The following LRRC4C variants were observed in gnomAD, a reference collection of about 807,000 sequenced individuals.
The protein encoded by LRRC4C is leucine-rich repeat-containing protein 4C.
LRRC4C carries 5 observed loss-of-function variants against 33.6 expected under a neutral mutation model. The observed-to-expected ratio is 0.15, with a 90% confidence interval of 0.08 to 0.31. The LOEUF (loss-of-function observed/expected upper bound fraction) is 0.31. Among genes scored for constraint, LRRC4C ranks in the 10% least tolerant of loss-of-function variants. The pLI is 1.00. For synonymous variants in LRRC4C, 329 were observed against 302.0 expected, an observed-to-expected ratio of 1.09 and a Z score of -0.93; for missense variants, 560 against 796.7, an observed-to-expected ratio of 0.70 and a Z score of 3.58.
chr11:40,973,997 C>T (rs912838942), intron 1 of LRRC4C, among the ~76,000 whole-genome samples: 1 of 152,004 alleles, frequency 6.6e-6, no homozygotes, highest in Non-Finnish European at 1.5e-5. Flanking sequence ...GCAAACCAGC[C>T]ACTGTGACAA....
chr11:41,168,163 T>C (rs879698330), intron 1 of LRRC4C, among the ~76,000 whole-genome samples: 1 of 152,178 alleles, frequency 6.6e-6, no homozygotes, highest in Non-Finnish European at 1.5e-5. Flanking sequence ...CTGGTACTGA[T>C]CATGAAAGGC....
chr11:41,141,605 C>T (rs756970792), intron 1 of LRRC4C, among the ~76,000 whole-genome samples: 3 of 152,024 alleles, frequency 2.0e-5, no homozygotes, highest in Admixed American at 1.3e-4. Context: ...TTCTTCCATG[C>T]TCTTCTTATG....
At chr11:40,699,197 T>TA (rs1448412948) in intron 2 of LRRC4C, among the ~76,000 whole-genome samples, 1 of 152,212 alleles carries the variant, frequency 6.6e-6, no homozygotes, top group African/African-American at 2.4e-5. Flanking sequence ...AATCTTACAT[T>TA]AAAAATTATA....
At chr11:41,386,823 G>A (rs1953379352) in intron 1 of LRRC4C, among the ~76,000 whole-genome samples, 1 of 151,698 alleles carries the variant, frequency 6.6e-6, no homozygotes, top group African/African-American at 2.4e-5. Flanking sequence ...AAGTTTGTAT[G>A]GAAGCAGTAG....
chr11:40,499,737 A>G (rs756769201), intron 3 of LRRC4C, among the ~76,000 whole-genome samples: 1 of 152,202 alleles, frequency 6.6e-6, no homozygotes, highest in Non-Finnish European at 1.5e-5. Flanking sequence ...ACACCAAAGG[A>G]TTGATTTGAA....
intron 2 of LRRC4C, among the ~76,000 whole-genome samples, chr11:40,839,746 G>A (rs1952831591): frequency 6.6e-6 from 1 of 152,178 alleles, no homozygotes; most frequent in Non-Finnish European, 1.5e-5. Flanking sequence ...AAACGCTAAG[G>A]CAGTGACTTA....
chr11:40,201,835 A>G (rs138464899), intron 5 of LRRC4C, among the ~76,000 whole-genome samples: 2 of 152,318 alleles, frequency 1.3e-5, no homozygotes, highest in East Asian at 3.9e-4. Context: ...AACGTGGGGT[A>G]GAAAATGAAG....
At chr11:41,373,786 C>T (rs901026035) in intron 1 of LRRC4C, among the ~76,000 whole-genome samples, 3 of 151,938 alleles carry the variant, frequency 2.0e-5, no homozygotes, top group African/African-American at 4.8e-5. Context: ...ATAAAGATCA[C>T]GAATTAGGAT....
At chr11:40,554,182 C>T (rs1295072523) in intron 3 of LRRC4C, among the ~76,000 whole-genome samples, 1 of 152,104 alleles carries the variant, frequency 6.6e-6, no homozygotes, top group Non-Finnish European at 1.5e-5. Flanking sequence ...CCCAGCACCA[C>T]CTCTTGAATA....
intron 1 of LRRC4C, among the ~76,000 whole-genome samples, chr11:41,102,705 C>T (rs1941264786): frequency 6.6e-6 from 1 of 151,988 alleles, no homozygotes; most frequent in South Asian, 2.1e-4. Flanking sequence ...AGATTGCATA[C>T]ATTTCTGACC....
rs1415551462 is a variant in LRRC4C, at chr11:40,763,095, A to ATATATATATATACACACACATATATATG, written c.-406-114818_-406-114817insCATATATATGTGTGTGTATATATATATA. Among the ~76,000 whole-genome samples the ATATATATATATACACACACATATATATG allele has an allele frequency of 1.4e-4, 16 of 112,772 alleles. No individual in the cohort carries two copies. The East Asian group carries it at 1.7e-3, about 12-fold the overall frequency. The allele number at this position is 112,772 out of a possible 152,430, so 74.0% of individuals were successfully genotyped here. On this transcript the variant is annotated intron_variant, in intron 2 of 6. Coordinates refer to ENST00000528697, the MANE Select transcript of LRRC4C (RefSeq NM_001258419.2). ...TATGTATACACACACATATATATGT[A>ATATATATATATACACACACATATATATG]TATATATATATTTATGTATGTGTGT...
chr11:40,712,921 C>T (rs772656856), intron 2 of LRRC4C, among the ~76,000 whole-genome samples: 8 of 151,504 alleles, frequency 5.3e-5, no homozygotes, highest in Admixed American at 2.0e-4. Context: ...TGGAGTCTCA[C>T]TCTGTTGCCC....
intron 1 of LRRC4C, among the ~76,000 whole-genome samples, chr11:41,038,500 C>T (rs183317871): frequency 1.3e-4 from 20 of 152,242 alleles, no homozygotes; most frequent in African/African-American, 3.8e-4. Context: ...TCTCCCAGTT[C>T]TAATTTCAGC....
intron 1 of LRRC4C, among the ~76,000 whole-genome samples, chr11:41,392,342 C>T (rs1240963186): frequency 6.6e-6 from 1 of 151,716 alleles, no homozygotes; most frequent in Non-Finnish European, 1.5e-5. Flanking sequence ...AAGTGTTTAA[C>T]CTGGACTTAT....
At chr11:40,861,476 C>G (rs1954098404) in intron 2 of LRRC4C, among the ~76,000 whole-genome samples, 1 of 152,078 alleles carries the variant, frequency 6.6e-6, no homozygotes, top group African/African-American at 2.4e-5. Context: ...CAAAAACTTG[C>G]ATTATGGATG....
chr11:40,635,898 C>A (rs1963919158), intron 3 of LRRC4C, among the ~76,000 whole-genome samples: 1 of 151,974 alleles, frequency 6.6e-6, no homozygotes, highest in African/African-American at 2.4e-5. Flanking sequence ...CTCGGCCTCC[C>A]AAAGTGCTGG....
At chr11:40,575,430 G>A (rs1591153182) in intron 3 of LRRC4C, among the ~76,000 whole-genome samples, 1 of 151,324 alleles carries the variant, frequency 6.6e-6, no homozygotes, top group South Asian at 2.1e-4. Context: ...AGGTTTTCTT[G>A]GGACCTGTGA....
intron 1 of LRRC4C, among the ~76,000 whole-genome samples, chr11:41,227,535 T>C (rs1030432046): frequency 6.6e-6 from 1 of 152,112 alleles, no homozygotes; most frequent in Admixed American, 6.6e-5. Context: ...GACAGGGTCT[T>C]GCTCTGTGAC....
At chr11:41,029,818 C>T (rs1406616612) in intron 1 of LRRC4C, among the ~76,000 whole-genome samples, 4 of 151,720 alleles carry the variant, frequency 2.6e-5, no homozygotes, top group African/African-American at 9.7e-5. Flanking sequence ...TCAATATACG[C>T]TTGTTTAAAT....
Sources: gnomAD v4.1 joint callset for allele counts (sites outside exome capture counted in the v4.1 genomes callset) on GRCh38, gnomAD v4.1.1 for gene constraint, MANE v1.5 for transcripts, NCBI Gene and HGNC (gene_info 2026-07-23, HGNC 2026-07-21) for gene names.